Variants in STXBP3 observed in about 807,000 individuals in gnomAD.
STXBP3 encodes the protein syntaxin binding protein 3.
Under a neutral mutation model 85.7 loss-of-function variants are expected in STXBP3, and 41 were observed. That is an observed-to-expected ratio of 0.48 (90% CI 0.37 to 0.62). The LOEUF is 0.62. Among genes scored for constraint, STXBP3 ranks in the 20% least tolerant of loss-of-function variants. The pLI, the probability that STXBP3 is intolerant of heterozygous loss-of-function variation, is 0.00. For synonymous variants in STXBP3, 229 were observed against 231.7 expected, an observed-to-expected ratio of 0.99 and a Z score of 0.10; for missense variants, 563 against 703.1, an observed-to-expected ratio of 0.80 and a Z score of 2.25.
intron 1 of STXBP3, among the ~76,000 whole-genome samples, chr1:108,750,862 G>A (rs1661884231): frequency 6.6e-6 from 1 of 152,288 alleles, no homozygotes; most frequent in South Asian, 2.1e-4. Context: ...CAGAACTTCA[G>A]AAAACGCTTA....
At chr1:108,767,774 A>G (rs1175556788) in intron 6 of STXBP3, among the ~76,000 whole-genome samples, 2 of 152,026 alleles carry the variant, frequency 1.3e-5, no homozygotes, top group Non-Finnish European at 2.9e-5. Flanking sequence ...TATAGCAGAG[A>G]TGAGGTCTTG....
At chr1:108,760,132 G>A (rs1201292751) in intron 6 of STXBP3, 47 bp downstream of exon 6, 1 of 1,136,338 alleles carries the variant, frequency 8.8e-7, no homozygotes, top group Admixed American at 2.7e-5. Context: ...TTCAAATTTG[G>A]TTTTATGGCT....
rs1365816044 is a variant in STXBP3, at chr1:108,798,162, G to A, written c.1374G>A (p.Pro458=). The A allele has an allele frequency of 1.2e-5, 19 of 1,610,360 alleles. No homozygotes were observed. Among genetic ancestry groups the A allele is most frequent in the East Asian group, 4.5e-5 (2 of 44,688 alleles). Residue 458 remains proline (P), a synonymous_variant, in exon 16 of 19, where the codon CCG becomes CCA. Coordinates refer to ENST00000370008, the MANE Select transcript of STXBP3 (RefSeq NM_007269.4). ...PIVPQSQQGK[P]LRKDRSAEET... Reference sequence around the variant, plus strand: ...TGTATTAGTCTCAACAAGGCAAACCGTTAAGAAAGGATCGGTCTGCAGAAG... The same window carrying A: ...TGTATTAGTCTCAACAAGGCAAACCATTAAGAAAGGATCGGTCTGCAGAAG...
chr1:108,765,722 C>T (rs770323990), intron 6 of STXBP3, among the ~76,000 whole-genome samples: 2 of 151,662 alleles, frequency 1.3e-5, no homozygotes, highest in Non-Finnish European at 2.9e-5. Context: ...AGACACGTAC[C>T]CCCACGCGGG....
chr1:108,808,898 A>G lies in STXBP3; in HGVS notation c.*21A>G, dbSNP rs930845297. ...AATAGCATTTCTTTTTGGAGGGTTT[A>G]GAGATTCTTACTAATATGTTGAACT... On this transcript the variant is annotated 3_prime_UTR_variant, in exon 19 of 19. Coordinates refer to ENST00000370008, the MANE Select transcript of STXBP3 (RefSeq NM_007269.4). The G allele has an allele frequency of 2.6e-5, 40 of 1,514,372 alleles. No homozygotes were observed. The highest frequency in any genetic ancestry group is 3.5e-5 in the Non-Finnish European group (39 of 1,104,108). The allele number at this position is 1,514,372 out of a possible 1,614,324, so 93.8% of individuals were successfully genotyped here. A position where few individuals can be genotyped will look rare whatever the true frequency, so the allele number is the denominator to read the frequency against.
rs551004938 is a variant in STXBP3, at chr1:108,798,237, G to T, written c.1449G>T (p.Glu483Asp). The T allele has an allele frequency of 6.3e-7, 1 of 1,598,768 alleles. No homozygotes were observed. The highest frequency in any genetic ancestry group is 8.5e-7 in the Non-Finnish European group (1 of 1,174,266). The stretch of plus-strand genomic sequence containing the variant: ...CACCTTTTATCAAAGATATTATGGA[G>T]GTAAAAATCATTAAAATGTTTTTTT... The part of the protein sequence containing the change: ...RWTPFIKDIM[E>D]DAIDNRLDSK... The change falls in exon 16 of 19, where the codon GAG becomes GAT. Residue 483 changes from glutamate (E) to aspartate (D), a missense_variant and splice_region_variant. Physicochemically the swap from Glu to Asp is conservative, Grantham distance 45 (BLOSUM62 2). This residue lies in a region of STXBP3 where 494 missense variants were observed against 592.8 expected (regional missense o/e 0.83). Transcript: ENST00000370008.
intron 5 of STXBP3, 95 bp downstream of exon 5, chr1:108,758,683 T>G: frequency 1.9e-6 from 1 of 525,214 alleles, no homozygotes; most frequent in Non-Finnish European, 3.2e-6. Flanking sequence ...GTCATTAAAG[T>G]ATCTACTTTT....
At chr1:108,794,941 A>G in intron 13 of STXBP3, 34 bp downstream of exon 13, 1 of 1,548,294 alleles carries the variant, frequency 6.5e-7, no homozygotes, top group African/African-American at 1.4e-5. Flanking sequence ...TCTGTTCATA[A>G]CAAATTTCAA....
chr1:108,774,951 T>G (rs1254852639), intron 7 of STXBP3, among the ~76,000 whole-genome samples: 1 of 148,942 alleles, frequency 6.7e-6, no homozygotes, highest in African/African-American at 2.4e-5. Context: ...TAATAAATAA[T>G]CTGTAATCCT....
chr1:108,808,937 A>G lies in STXBP3; in HGVS notation c.*60A>G, dbSNP rs910707110. On this transcript the variant is annotated 3_prime_UTR_variant, in exon 19 of 19. Coordinates refer to ENST00000370008, the MANE Select transcript of STXBP3 (RefSeq NM_007269.4). ...ATATGTTGAACTAAAATAGAAAGAA[A>G]ATGTTGCTGTCATGTAATTTAAACA... is the stretch of plus-strand genomic sequence containing the variant. The G allele has an allele frequency of 8.8e-7, 1 of 1,140,684 alleles. No individual in the cohort carries two copies. Among genetic ancestry groups the G allele is most frequent in the Non-Finnish European group, 1.3e-6 (1 of 784,956 alleles). The allele number at this position is 1,140,684 out of a possible 1,614,324, so 70.7% of individuals were successfully genotyped here. A position where few individuals can be genotyped will look rare whatever the true frequency, so the allele number is the denominator to read the frequency against.
chr1:108,753,197 G>A, intron 3 of STXBP3, 53 bp downstream of exon 3: 1 of 1,317,316 alleles, frequency 7.6e-7, no homozygotes, highest in Non-Finnish European at 1.0e-6. Context: ...GGGGAGATCT[G>A]AGGTATTAAA....
chr1:108,789,737 A>G (rs563141795), intron 11 of STXBP3, among the ~76,000 whole-genome samples: 1 of 152,248 alleles, frequency 6.6e-6, no homozygotes, highest in Admixed American at 6.5e-5. Context: ...GAGAATGTGC[A>G]CTATATGACA....
At position 108,782,494 on chromosome 1, in the gene STXBP3, T is replaced by C. The variant is rs200615890; in HGVS notation, c.882T>C (p.His294=). 6.7e-5 allele frequency: 108 copies of C among 1,613,592 alleles called. No individual in the cohort carries two copies. The highest frequency in any genetic ancestry group is 1.6e-5 in the Non-Finnish European group (19 of 1,179,848). The change falls in exon 10 of 19, where the codon CAT becomes CAC. Residue 294 remains histidine (H), a synonymous_variant. Transcript: ENST00000370008. ...ATGACCTCTGGGTTAGAATTCGACATCGACATATTGCGGTTGTGTTAGAGT... is the reference window on the plus strand; with the variant it reads ...ATGACCTCTGGGTTAGAATTCGACACCGACATATTGCGGTTGTGTTAGAGT... ...EEDDLWVRIR[H]RHIAVVLEEI...
chr1:108,796,368 T>G lies in STXBP3; in HGVS notation c.1245T>G (p.Ile415Met). ...IRAILLYIFS[I>M]NGTTEENLDR... ...CAATTCTACTTTATATCTTCAGTAT[T>G]AATGGTAATGGAGATAATCACTTTT... The change falls in exon 14 of 19, where the codon ATT becomes ATG. Residue 415 changes from isoleucine (I) to methionine (M), a missense_variant. Physicochemically the swap from Ile to Met is conservative, Grantham distance 10. Around this residue, in one of 3 missense-constraint regions of STXBP3, gnomAD observed 494 missense variants for 592.8 expected, o/e 0.83. Coordinates refer to ENST00000370008, the MANE Select transcript of STXBP3 (RefSeq NM_007269.4). The G allele has an allele frequency of 6.7e-7, 1 of 1,491,206 alleles. No homozygotes were observed. The highest frequency in any genetic ancestry group is 2.3e-5 in the East Asian group (1 of 44,148). 92.4% of individuals were successfully genotyped at this position (1,491,206 alleles called of 1,614,324 possible).
intron 9 of STXBP3, chr1:108,780,684 T>C (rs2101122967): frequency 6.6e-6 from 1 of 151,914 alleles, no homozygotes; most frequent in African/African-American, 2.4e-5. Flanking sequence ...CACAGTTTTT[T>C]ATGGAAACAG....
At chr1:108,774,249 A>G (rs543324353) in intron 7 of STXBP3, among the ~76,000 whole-genome samples, 34 of 152,268 alleles carry the variant, frequency 2.2e-4, no homozygotes, top group African/African-American at 7.2e-4. Context: ...TTCCTTATCT[A>G]TGAAATAAGA....
chr1:108,749,263 C>A (rs1198552411), intron 1 of STXBP3, among the ~76,000 whole-genome samples: 1 of 152,142 alleles, frequency 6.6e-6, no homozygotes, highest in Admixed American at 6.5e-5. Context: ...GACAATAATA[C>A]TTAGAGAAAT....
intron 16 of STXBP3, among the ~76,000 whole-genome samples, chr1:108,799,407 T>C (rs1663185034): frequency 6.6e-6 from 1 of 152,230 alleles, no homozygotes; most frequent in Admixed American, 6.5e-5. Flanking sequence ...AAATAAGAAA[T>C]GACTTTCTTG....
At chr1:108,782,814 T>C (rs1298092) in intron 11 of STXBP3, 108 bp downstream of exon 11, 738,723 of 1,004,060 alleles carry the variant, frequency 0.74, 279,854 homozygotes, top group Non-Finnish European at 0.78. Flanking sequence ...AGTTCTAACA[T>C]GGAGGTAGAG....
Sources: gnomAD v4.1 joint callset for allele counts (sites outside exome capture counted in the v4.1 genomes callset) on GRCh38, gnomAD v4.1.1 for gene constraint, gnomAD v4.1.1 regional missense constraint, MANE v1.5 for transcripts, NCBI Gene and HGNC (gene_info 2026-07-23, HGNC 2026-07-21) for gene names.